CNTN5: variants seen among roughly 807,000 people sequenced by gnomAD.
CNTN5 encodes the protein contactin 5.
Under a neutral mutation model 129.1 loss-of-function variants are expected in CNTN5, and 77 were observed. The observed-to-expected ratio is 0.60, with a 90% CI of 0.50 to 0.72. The LOEUF (loss-of-function observed/expected upper bound fraction) is 0.72, where lower values mean the gene tolerates loss of function less well. Among genes scored for constraint, CNTN5 ranks in the 30% least tolerant of loss-of-function variants. The probability of loss-of-function intolerance (pLI) is 0.00; values close to 1 mark genes in which losing one functional copy is unlikely to be tolerated. For missense variants in CNTN5, 1,478 were observed against 1,328.8 expected (o/e 1.11, Z -1.75); for synonymous variants, 509 against 465.6 (o/e 1.09, Z -1.20).
intron 6 of CNTN5, among the ~76,000 whole-genome samples, chr11:99,860,363 A>G (rs1422630618): frequency 6.6e-6 from 1 of 152,018 alleles, no homozygotes; most frequent in African/African-American, 2.4e-5. Flanking sequence ...TGAGGACTTA[A>G]TCATAAATTC....
intron 3 of CNTN5, among the ~76,000 whole-genome samples, chr11:99,727,312 C>CAAAAAAAAAAAAAAAAA (rs397936738): frequency 4.5e-4 from 11 of 24,292 alleles, no homozygotes; most frequent in East Asian, 3.8e-3. Flanking sequence ...GACTCCGTCT[C>CAAAAAAAAAAAAAAAAA]AAAAAAAAAA....
At chr11:99,348,624 C>T (rs1938075096) in intron 2 of CNTN5, among the ~76,000 whole-genome samples, 1 of 152,148 alleles carries the variant, frequency 6.6e-6, no homozygotes, top group Admixed American at 6.5e-5. Context: ...ATGGCATGGT[C>T]CCAAGATCCT....
intron 1 of CNTN5, among the ~76,000 whole-genome samples, chr11:99,239,910 C>T (rs1006437789): frequency 6.9e-5 from 10 of 144,824 alleles, no homozygotes; most frequent in Admixed American, 1.4e-4. Context: ...GTGCTCCAGC[C>T]TGGGCGACAG....
chr11:99,127,829 C>A (rs116013747), intron 1 of CNTN5, among the ~76,000 whole-genome samples: 2 of 152,122 alleles, frequency 1.3e-5, no homozygotes, highest in African/African-American at 2.4e-5. Context: ...CCTCCATTAA[C>A]GTCTTTATCA....
chr11:99,202,476 G>T (rs1004655352), intron 1 of CNTN5, among the ~76,000 whole-genome samples: 1 of 152,040 alleles, frequency 6.6e-6, no homozygotes, highest in Non-Finnish European at 1.5e-5. Context: ...TGGATTCTTT[G>T]CTACCAGAAG....
At chr11:99,699,891 C>T in intron 3 of CNTN5, among the ~76,000 whole-genome samples, 1 of 151,448 alleles carries the variant, frequency 6.6e-6, no homozygotes, top group Admixed American at 6.6e-5. Flanking sequence ...TTCACAATTA[C>T]TTGATTACAC....
chr11:99,166,900 C>G (rs1011416042), intron 1 of CNTN5, among the ~76,000 whole-genome samples: 1 of 151,886 alleles, frequency 6.6e-6, no homozygotes, highest in African/African-American at 2.4e-5. Context: ...CACGAAACAG[C>G]CTTAATGATT....
chr11:100,144,513 A>G (rs1329349677), intron 13 of CNTN5, among the ~76,000 whole-genome samples: 1 of 152,148 alleles, frequency 6.6e-6, no homozygotes, highest in African/African-American at 2.4e-5. Context: ...ACTGGATTAA[A>G]CAGTTAAACA....
chr11:100,046,761 G>A (rs1689919743), intron 9 of CNTN5, among the ~76,000 whole-genome samples: 1 of 151,998 alleles, frequency 6.6e-6, no homozygotes, highest in South Asian at 2.1e-4. Flanking sequence ...ACCATATTAG[G>A]CCTCAATTGT....
chr11:99,881,380 A>C (rs980684055), intron 6 of CNTN5, among the ~76,000 whole-genome samples: 1 of 152,198 alleles, frequency 6.6e-6, no homozygotes, highest in East Asian at 1.9e-4. Context: ...GAATGTTTTT[A>C]GTTCCTTATG....
intron 3 of CNTN5, among the ~76,000 whole-genome samples, chr11:99,819,002 C>T (rs1946683976): frequency 1.3e-5 from 2 of 152,048 alleles, no homozygotes; most frequent in South Asian, 4.2e-4. Context: ...CTACATTGAA[C>T]ACACCTCATA....
intron 21 of CNTN5, among the ~76,000 whole-genome samples, chr11:100,326,805 G>A (rs959835289): frequency 6.6e-6 from 1 of 152,184 alleles, no homozygotes; most frequent in Non-Finnish European, 1.5e-5. Context: ...GGCCAAGGAG[G>A]CTTCTTGGTT....
At chr11:99,816,146 A>C (rs748882747) in intron 3 of CNTN5, among the ~76,000 whole-genome samples, 1 of 152,164 alleles carries the variant, frequency 6.6e-6, no homozygotes, top group Non-Finnish European at 1.5e-5. Flanking sequence ...GTATTGAAAG[A>C]CTTTCGCTTC....
intron 7 of CNTN5, among the ~76,000 whole-genome samples, chr11:99,933,455 T>C (rs1950236751): frequency 6.6e-6 from 1 of 152,164 alleles, no homozygotes; most frequent in African/African-American, 2.4e-5. Context: ...GCATAGAACA[T>C]TTCCATCACC....
chr11:99,462,015 T>C (rs1213841661), intron 2 of CNTN5, among the ~76,000 whole-genome samples: 1 of 152,200 alleles, frequency 6.6e-6, no homozygotes, highest in African/African-American at 2.4e-5. Context: ...TAGTAGCCAT[T>C]GAGTACTGGA....
chr11:100,351,939 A>T (rs756825600), intron 24 of CNTN5, among the ~76,000 whole-genome samples: 1 of 151,444 alleles, frequency 6.6e-6, no homozygotes, highest in African/African-American at 2.4e-5. Flanking sequence ...GTGAAATGGG[A>T]GATAAATACA....
chr11:99,137,883 C>T (rs1037670803), intron 1 of CNTN5, among the ~76,000 whole-genome samples: 1 of 152,098 alleles, frequency 6.6e-6, no homozygotes, highest in Non-Finnish European at 1.5e-5. Context: ...CATTAACATT[C>T]TCACTATAGA....
At chr11:99,146,254 G>A (rs969490077) in intron 1 of CNTN5, among the ~76,000 whole-genome samples, 2 of 151,842 alleles carry the variant, frequency 1.3e-5, no homozygotes, top group Non-Finnish European at 2.9e-5. Context: ...CGCAAAAGTG[G>A]GTAATATTAA....
At chr11:99,940,193 A>C (rs1172069264) in intron 7 of CNTN5, among the ~76,000 whole-genome samples, 1 of 152,130 alleles carries the variant, frequency 6.6e-6, no homozygotes, top group Non-Finnish European at 1.5e-5. Flanking sequence ...ATCAGCCCCC[A>C]ATGTCAAGGG....
Sources: allele counts gnomAD v4.1 joint callset (sites outside exome capture counted in the v4.1 genomes callset), GRCh38; gene constraint gnomAD v4.1.1; transcripts MANE v1.5; gene names NCBI Gene and HGNC (gene_info 2026-07-23, HGNC 2026-07-21).